The following GRIP1 variants were observed in gnomAD, a reference collection of about 807,000 sequenced individuals.
GRIP1 encodes glutamate receptor interacting protein 1, also known as glutamate receptor-interacting protein 1.
In GRIP1, 45 loss-of-function variants were observed where a neutral mutation model predicts 129.9. That is an observed-to-expected ratio of 0.35 (90% CI 0.27 to 0.44). The LOEUF (loss-of-function observed/expected upper bound fraction) is 0.44, where lower values mean the gene tolerates loss of function less well. GRIP1 is among the 20% of genes least tolerant of loss of function. The probability of loss-of-function intolerance (pLI) is 1.00; values close to 1 mark genes in which losing one functional copy is unlikely to be tolerated. For synonymous variants in GRIP1, 530 were observed against 520.8 expected (o/e 1.02, Z -0.24); for missense variants, 1,196 against 1,396.8 (o/e 0.86, Z 2.29).
At chr12:66,853,083 A>G (rs1015401518) in intron 1 of GRIP1, among the ~76,000 whole-genome samples, 12 of 151,838 alleles carry the variant, frequency 7.9e-5, no homozygotes, top group South Asian at 2.1e-4. Flanking sequence ...GACAACCAAG[A>G]TGTTATGAGC....
At chr12:66,956,586 G>A (rs2041844988) in intron 1 of GRIP1, among the ~76,000 whole-genome samples, 1 of 152,152 alleles carries the variant, frequency 6.6e-6, no homozygotes, top group Non-Finnish European at 1.5e-5. Flanking sequence ...GTAGAAAGAT[G>A]TTAAAGCCAC....
At chr12:66,782,597 T>C (rs777113801) in intron 1 of GRIP1, among the ~76,000 whole-genome samples, 1 of 152,212 alleles carries the variant, frequency 6.6e-6, no homozygotes, top group Admixed American at 6.5e-5. Flanking sequence ...TTCAAGATCA[T>C]GCAATCAATT....
chr12:66,743,147 C>G (rs1210222624), intron 1 of GRIP1, among the ~76,000 whole-genome samples: 1 of 152,118 alleles, frequency 6.6e-6, no homozygotes, highest in Non-Finnish European at 1.5e-5. Flanking sequence ...CATTTACTCA[C>G]CTAACATCTA....
intron 1 of GRIP1, among the ~76,000 whole-genome samples, chr12:66,782,726 T>G (rs922472692): frequency 2.6e-5 from 4 of 152,118 alleles, no homozygotes; most frequent in African/African-American, 4.8e-5. Context: ...TCATGAAAGA[T>G]TTTTCCTATT....
intron 1 of GRIP1, among the ~76,000 whole-genome samples, chr12:67,046,024 G>C (rs1452765586): frequency 1.3e-5 from 2 of 152,200 alleles, no homozygotes; most frequent in Non-Finnish European, 2.9e-5. Context: ...CATCATCAAA[G>C]TAGCGAGATG....
intron 7 of GRIP1, among the ~76,000 whole-genome samples, chr12:66,493,457 C>A (rs745833892): frequency 1.3e-5 from 2 of 152,104 alleles, no homozygotes; most frequent in African/African-American, 2.4e-5. Context: ...TGAGATAGGT[C>A]TTCTATAGAC....
chr12:67,022,626 A>G (rs1248961049), intron 1 of GRIP1, among the ~76,000 whole-genome samples: 1 of 152,144 alleles, frequency 6.6e-6, no homozygotes, highest in Non-Finnish European at 1.5e-5. Flanking sequence ...AATTTTAACA[A>G]TTTGAATAGA....
chr12:66,615,801 T>C (rs4310689), intron 1 of GRIP1, among the ~76,000 whole-genome samples: 10,566 of 152,032 alleles, frequency 0.069, 502 homozygotes, highest in East Asian at 0.19. Flanking sequence ...TCCACCATCA[T>C]GCCCAGCTAA....
chr12:66,480,419 A>G (rs1196310250), intron 7 of GRIP1, among the ~76,000 whole-genome samples: 1 of 152,196 alleles, frequency 6.6e-6, no homozygotes, highest in Non-Finnish European at 1.5e-5. Context: ...AGAGTACAAA[A>G]ACAAATGGAA....
chr12:66,954,217 C>T (rs530186467), intron 1 of GRIP1, among the ~76,000 whole-genome samples: 2 of 152,254 alleles, frequency 1.3e-5, no homozygotes, highest in South Asian at 2.1e-4. Flanking sequence ...CTCATGACAT[C>T]GCTATTAGGT....
At chr12:66,469,185 C>T (rs1262999436) in intron 7 of GRIP1, among the ~76,000 whole-genome samples, 1 of 152,128 alleles carries the variant, frequency 6.6e-6, no homozygotes. Context: ...GTGGCCCGAG[C>T]CATCATCTCC....
At chr12:66,460,799 T>C (rs950721655) in intron 9 of GRIP1, among the ~76,000 whole-genome samples, 1 of 152,210 alleles carries the variant, frequency 6.6e-6, no homozygotes, top group Non-Finnish European at 1.5e-5. Context: ...TAAAACTATG[T>C]AAAACTCCAC....
At chr12:66,803,059 G>A (rs1280017814) in intron 1 of GRIP1, among the ~76,000 whole-genome samples, 1 of 152,140 alleles carries the variant, frequency 6.6e-6, no homozygotes, top group African/African-American at 2.4e-5. Flanking sequence ...CTAGCATTTA[G>A]AAGGAATTCT....
chr12:66,612,148 C>T (rs2064827488), intron 1 of GRIP1, among the ~76,000 whole-genome samples: 1 of 152,082 alleles, frequency 6.6e-6, no homozygotes, highest in Non-Finnish European at 1.5e-5. Flanking sequence ...AAAACACAGC[C>T]ATGTGTTGCT....
chr12:66,994,770 A>C (rs991549671), intron 1 of GRIP1, among the ~76,000 whole-genome samples: 3 of 152,108 alleles, frequency 2.0e-5, no homozygotes, highest in Non-Finnish European at 4.4e-5. Context: ...TAGTAGTCTC[A>C]AAATTAATCT....
chr12:66,507,406 C>G (rs1484437052), intron 7 of GRIP1, among the ~76,000 whole-genome samples: 5 of 151,528 alleles, frequency 3.3e-5, no homozygotes, highest in Non-Finnish European at 7.4e-5. Context: ...CCACTGCACT[C>G]CAGCCTGGGT....
intron 22 of GRIP1, 103 bp downstream of exon 22, chr12:66,376,914 T>C: frequency 1.2e-6 from 1 of 832,810 alleles, no homozygotes; most frequent in Non-Finnish European, 2.1e-6. Context: ...GAGATGGGGA[T>C]ATACTTTTGA....
intron 1 of GRIP1, among the ~76,000 whole-genome samples, chr12:66,831,875 A>C (rs1445823416): frequency 6.6e-6 from 1 of 152,188 alleles, no homozygotes; most frequent in Non-Finnish European, 1.5e-5. Context: ...ATTGAGTTAC[A>C]CATGTAAAGT....
chr12:67,045,881 C>T (rs2043245968), intron 1 of GRIP1, among the ~76,000 whole-genome samples: 2 of 152,126 alleles, frequency 1.3e-5, no homozygotes, highest in Admixed American at 6.5e-5. Context: ...TGATCAGACC[C>T]GCAACAGTTA....
Sources: allele counts gnomAD v4.1 joint callset (sites outside exome capture counted in the v4.1 genomes callset), GRCh38; gene constraint gnomAD v4.1.1; transcripts MANE v1.5; gene names NCBI Gene and HGNC (gene_info 2026-07-23, HGNC 2026-07-21).